BPTF: variants seen among roughly 807,000 people sequenced by gnomAD.
BPTF encodes the protein nucleosome-remodeling factor subunit BPTF.
Under a neutral mutation model 292.5 loss-of-function variants are expected in BPTF, and 18 were observed. The ratio of observed to expected loss-of-function variants is 0.06; its 90% confidence interval spans 0.04 to 0.09. BPTF has a LOEUF of 0.09. Ranked by LOEUF, BPTF falls within the 10% of genes least tolerant of loss-of-function variation. The probability of loss-of-function intolerance (pLI) is 1.00; values close to 1 mark genes in which losing one functional copy is unlikely to be tolerated. For synonymous variants in BPTF, 1,225 were observed against 1,251.9 expected, an observed-to-expected ratio of 0.98 and a Z score of 0.45; for missense variants, 2,726 against 3,498.7, an observed-to-expected ratio of 0.78 and a Z score of 5.57.
In BPTF at chr17:67,948,250, G is replaced by T. The variant is rs2065958096; in HGVS notation, c.7870G>T (p.Ala2624Ser). ...CTTCAAGCACAAAGAGCAGCTCAGAGCCGAGATCCTGAAGAAGAGAGCACT... is the reference window on the plus strand; with the variant it reads ...CTTCAAGCACAAAGAGCAGCTCAGATCCGAGATCCTGAAGAAGAGAGCACT... ...LLFKHKEQLR[A>S]EILKKRALLD... The change falls in exon 23 of 28, where the codon GCC (alanine) becomes TCC (serine). Residue 2624 changes from alanine to serine, a missense_variant. Physicochemically the swap from Ala to Ser is moderately conservative, Grantham distance 99. Transcript: ENST00000306378. The T allele has an allele frequency of 1.2e-6, 2 of 1,614,104 alleles. No homozygotes were observed. Among genetic ancestry groups the T allele is most frequent in the Non-Finnish European group, 1.7e-6 (2 of 1,180,046 alleles).
At chr17:67,926,722 T>C (rs1358191020) in intron 15 of BPTF, among the ~76,000 whole-genome samples, 1 of 152,148 alleles carries the variant, frequency 6.6e-6, no homozygotes, top group Non-Finnish European at 1.5e-5. Flanking sequence ...AGTACTAATA[T>C]ATCTGTTCTA....
chr17:67,973,026 A>AATATATATATTTATAT (rs1311982617), intron 26 of BPTF, among the ~76,000 whole-genome samples: 2 of 145,330 alleles, frequency 1.4e-5, no homozygotes, highest in African/African-American at 5.0e-5. Flanking sequence ...TGTGTACTAA[A>AATATATATATTTATAT]ATATATATAT....
intron 1 of BPTF, among the ~76,000 whole-genome samples, chr17:67,839,482 C>G (rs1443765785): frequency 6.6e-6 from 1 of 152,076 alleles, no homozygotes; most frequent in Admixed American, 6.6e-5. Context: ...TAATATTGAT[C>G]CACCCTTACA....
At chr17:67,857,148 A>ATTTTTTTTTT (rs35727338) in intron 2 of BPTF, among the ~76,000 whole-genome samples, 1 of 97,586 alleles carries the variant, frequency 1.0e-5, no homozygotes, top group Admixed American at 1.4e-4. Context: ...GTCTTTAACA[A>ATTTTTTTTTT]TTTTTTTTTT....
At chr17:67,940,051 G>T (rs2065242412) in intron 18 of BPTF, among the ~76,000 whole-genome samples, 1 of 143,848 alleles carries the variant, frequency 7.0e-6, no homozygotes, top group African/African-American at 2.5e-5. Flanking sequence ...AAATTCATAT[G>T]AATTAATTTT....
At position 67,909,661 on chromosome 17, in the gene BPTF, G is replaced by C; in HGVS notation, c.2892G>C (p.Glu964Asp). Residue 964 changes from glutamate to aspartate, a missense_variant, in exon 10 of 28, where the codon GAG (glutamate) becomes GAC (aspartate). Transcript: ENST00000306378. ...CSRSPKKIKI[E>D]PDSEKDEVKG... is the part of the protein sequence containing the mutation. ...GAAGTCCAAAAAAAATAAAAATAGA[G>C]CCTGATTCTGAAAAAGATGAGGTAA... 1 of 1,605,280 alleles carries C rather than the reference G, an allele frequency of 6.2e-7. No individual in the cohort carries two copies. Among genetic ancestry groups the C allele is most frequent in the African/African-American group, 1.3e-5 (1 of 74,452 alleles).
At chr17:67,896,468 TG>T (rs1458084211) in intron 7 of BPTF, among the ~76,000 whole-genome samples, 3 of 148,248 alleles carry the variant, frequency 2.0e-5, no homozygotes, top group South Asian at 2.1e-4. Flanking sequence ...AACTAGAAAC[TG>T]TCCCCCCAGT....
At position 67,826,053 on chromosome 17, in the gene BPTF, ACCTGGCCC is replaced by A; in HGVS notation, c.330_337del (p.His110GlnfsTer16). The A allele has an allele frequency of 8.2e-7, 1 of 1,213,276 alleles. No individual in the cohort carries two copies. The highest frequency in any genetic ancestry group is 3.5e-5 in the Admixed American group (1 of 28,354). 75.2% of individuals were successfully genotyped at this position (1,213,276 alleles called of 1,614,324 possible). ...ACGGGGGGCGGGGGCGGCGGCGGCC[ACCTGGCCC>A]GGACCACCGCGGCCCGGAGGGCCGT... On this transcript the variant is annotated frameshift_variant, in exon 1 of 28. Coordinates refer to ENST00000306378, the MANE Select transcript of BPTF (RefSeq NM_182641.4). LOFTEE classifies it high-confidence loss of function.
intron 4 of BPTF, among the ~76,000 whole-genome samples, chr17:67,878,866 A>G (rs114870514): frequency 2.6e-5 from 4 of 152,140 alleles, no homozygotes; most frequent in Non-Finnish European, 5.9e-5. Flanking sequence ...TGAATTTTGA[A>G]TGTTAACCTA....
At chr17:67,844,113 T>TGCA (rs1416592606) in intron 1 of BPTF, among the ~76,000 whole-genome samples, 7 of 119,864 alleles carry the variant, frequency 5.8e-5, no homozygotes, top group Non-Finnish European at 8.4e-5. Flanking sequence ...GGAGTCTCAC[T>TGCA]CTGTCACCCA....
At chr17:67,968,588 C>G (rs2068390878) in intron 26 of BPTF, among the ~76,000 whole-genome samples, 3 of 150,828 alleles carry the variant, frequency 2.0e-5, no homozygotes, top group Admixed American at 1.3e-4. Flanking sequence ...ACCATCCTGG[C>G]TAACACGGTG....
chr17:67,928,232 A>G, intron 15 of BPTF, 123 bp from the exon 16 acceptor site: 1 of 1,091,496 alleles, frequency 9.2e-7, no homozygotes, highest in Non-Finnish European at 1.3e-6. Context: ...TGGAAGTAAA[A>G]TACTTCAGAA....
chr17:67,972,358 C>T (rs1431966804), intron 26 of BPTF, among the ~76,000 whole-genome samples: 1 of 152,154 alleles, frequency 6.6e-6, no homozygotes, highest in East Asian at 1.9e-4. Context: ...ACCTCAGCCT[C>T]CCAAGTAGCT....
intron 7 of BPTF, among the ~76,000 whole-genome samples, chr17:67,901,719 G>T (rs1364484061): frequency 2.0e-4 from 31 of 152,226 alleles, no homozygotes; most frequent in Non-Finnish European, 4.4e-5. Context: ...CTCTGAGTTT[G>T]ACTAACAGTT....
At chr17:67,937,660 G>A (rs575690291) in intron 18 of BPTF, among the ~76,000 whole-genome samples, 2 of 150,780 alleles carry the variant, frequency 1.3e-5, no homozygotes, top group East Asian at 4.0e-4. Flanking sequence ...GAAGGGATGG[G>A]TAGCCAGTGG....
rs578253507 is a variant in BPTF, at chr17:67,897,294, T to C, written c.2543+3129T>C. ...AGGCGGAGGTTGCGGTGAGCCGAGA[T>C]CATGCCATTGCACTCCAGCCTAGGC... On this transcript the variant is annotated intron_variant, in intron 7 of 27. Coordinates refer to ENST00000306378, the MANE Select transcript of BPTF (RefSeq NM_182641.4). Among the ~76,000 whole-genome samples, 6 of 121,836 alleles carry C rather than the reference T, an allele frequency of 4.9e-5. No individual in the cohort carries two copies. In the South Asian group the frequency reaches 1.6e-3, roughly 32 times the overall value. 79.9% of individuals were successfully genotyped at this position (121,836 alleles called of 152,430 possible). A position where few individuals can be genotyped will look rare whatever the true frequency, so the allele number is the denominator to read the frequency against.
At chr17:67,834,730 T>C (rs1430184849) in intron 1 of BPTF, among the ~76,000 whole-genome samples, 11 of 152,178 alleles carry the variant, frequency 7.2e-5, no homozygotes, top group Non-Finnish European at 1.6e-4. Context: ...CTTCTTTAAT[T>C]ACAACCTACT....
At chr17:67,885,605 A>G (rs1005870500) in intron 4 of BPTF, among the ~76,000 whole-genome samples, 3 of 152,280 alleles carry the variant, frequency 2.0e-5, no homozygotes, top group African/African-American at 4.8e-5. Context: ...GAAGTTAACA[A>G]TCGCATTTAG....
chr17:67,959,531 T>C lies in BPTF; in HGVS notation c.7927-10T>C, dbSNP rs1555682593. 3.3e-6 allele frequency: 5 copies of C among 1,511,366 alleles called. No homozygotes were observed. Among genetic ancestry groups the C allele is most frequent in the African/African-American group, 1.4e-5 (1 of 71,572 alleles). 93.6% of individuals were successfully genotyped at this position (1,511,366 alleles called of 1,614,324 possible). A position where few individuals can be genotyped will look rare whatever the true frequency, so the allele number is the denominator to read the frequency against. ...AATGATAGTCTTGTATTGTCTTTAA[T>C]TGATAACAGGAAGAGCTGAAGAGAG... On this transcript the variant is annotated splice_polypyrimidine_tract_variant and intron_variant, in intron 23 of 27. Coordinates refer to ENST00000306378, the MANE Select transcript of BPTF (RefSeq NM_182641.4).
Sources: gnomAD v4.1 joint callset for allele counts (sites outside exome capture counted in the v4.1 genomes callset) on GRCh38, gnomAD v4.1.1 for gene constraint, MANE v1.5 for transcripts, NCBI Gene and HGNC (gene_info 2026-07-23, HGNC 2026-07-21) for gene names.